The following ESRRG variants were observed in gnomAD, a reference collection of about 807,000 sequenced individuals.
The protein encoded by ESRRG is estrogen-related receptor gamma.
A neutral mutation model predicts 44.0 loss-of-function variants in ESRRG; 13 were observed. That is an observed-to-expected ratio of 0.30 (90% confidence interval 0.19 to 0.47). The LOEUF (loss-of-function observed/expected upper bound fraction) is 0.47, where lower values mean the gene tolerates loss of function less well. Ranked by LOEUF, ESRRG falls within the 20% of genes least tolerant of loss-of-function variation. The pLI, the probability that ESRRG is intolerant of heterozygous loss-of-function variation, is 1.00. For synonymous variants in ESRRG, 215 were observed against 214.6 expected, an observed-to-expected ratio of 1.00 and a Z score of -0.02; for missense variants, 395 against 580.6, an observed-to-expected ratio of 0.68 and a Z score of 3.29.
chr1:217,042,492 AC>A (rs2084058723), intron 1 of ESRRG, among the ~76,000 whole-genome samples: 2 of 150,746 alleles, frequency 1.3e-5, no homozygotes, highest in Non-Finnish European at 3.0e-5. Context: ...ACACACACAC[AC>A]ACACACACAC....
intron 5 of ESRRG, among the ~76,000 whole-genome samples, chr1:216,542,978 G>T (rs12145418): frequency 0.29 from 43,601 of 151,900 alleles, 7,376 homozygotes; most frequent in Admixed American, 0.4. Flanking sequence ...TTTGAACTGA[G>T]GGATTTAGTG....
At chr1:217,079,432 T>G (rs796992195) in intron 1 of ESRRG, among the ~76,000 whole-genome samples, 7 of 152,354 alleles carry the variant, frequency 4.6e-5, no homozygotes, top group African/African-American at 1.7e-4. Flanking sequence ...GCCCAGGAGC[T>G]GCCTGGGCAA....
At chr1:216,521,214 T>C (rs1451278066) in intron 5 of ESRRG, among the ~76,000 whole-genome samples, 2 of 152,130 alleles carry the variant, frequency 1.3e-5, no homozygotes, top group African/African-American at 4.8e-5. Context: ...CTCTTAGAGA[T>C]ATAATAGCTG....
At chr1:216,667,705 AAAAAGAT>A (rs1463347847) in intron 2 of ESRRG, among the ~76,000 whole-genome samples, 1 of 150,688 alleles carries the variant, frequency 6.6e-6, no homozygotes, top group Non-Finnish European at 1.5e-5. Flanking sequence ...AAAAAAAAAA[AAAAAGAT>A]AGAACGAAGT....
At chr1:216,817,306 T>C (rs915624840) in intron 2 of ESRRG, among the ~76,000 whole-genome samples, 1 of 152,240 alleles carries the variant, frequency 6.6e-6, no homozygotes, top group Non-Finnish European at 1.5e-5. Context: ...ATGTATCATC[T>C]GAGTATGAAA....
chr1:217,128,038 G>C (rs2092914590), intron 1 of ESRRG, among the ~76,000 whole-genome samples: 1 of 152,150 alleles, frequency 6.6e-6, no homozygotes, highest in African/African-American at 2.4e-5. Context: ...CCACGCAAGA[G>C]CACTGTGCAC....
rs140845189 is a variant in ESRRG, at chr1:216,962,852, G to A, written c.-105-23179C>T. ...GGTGTAGAAAATAGCAACTGAGAAC[G>A]TATATACAATTAATATGACAAGACG... On this transcript the variant is annotated intron_variant, in intron 1 of 7. Transcript: ENST00000359162. Among the ~76,000 whole-genome samples the A allele has an allele frequency of 1.7e-3, 266 of 152,196 alleles. 4 individuals are homozygous for A. The East Asian group carries it at 0.044, about 25-fold the overall frequency.
At chr1:216,544,203 T>C (rs902818663) in intron 5 of ESRRG, among the ~76,000 whole-genome samples, 1 of 151,958 alleles carries the variant, frequency 6.6e-6, no homozygotes, top group Non-Finnish European at 1.5e-5. Flanking sequence ...TTATTATTTT[T>C]TCATCAAGAG....
intron 1 of ESRRG, among the ~76,000 whole-genome samples, chr1:216,710,042 G>A (rs74459414): frequency 6.6e-6 from 1 of 152,052 alleles, no homozygotes; most frequent in Non-Finnish European, 1.5e-5. Context: ...ATGCTCCCTC[G>A]CATGCCTTCT....
chr1:217,115,753 A>G (rs2092717168), intron 1 of ESRRG, among the ~76,000 whole-genome samples: 1 of 151,866 alleles, frequency 6.6e-6, no homozygotes, highest in Non-Finnish European at 1.5e-5. Flanking sequence ...TCTTTTCTTC[A>G]TAGCAGGTTT....
intron 1 of ESRRG, among the ~76,000 whole-genome samples, chr1:217,104,397 C>A (rs1342418045): frequency 3.3e-5 from 5 of 152,186 alleles, no homozygotes. Flanking sequence ...AGTGGAAAAA[C>A]CCATGAAGCC....
At chr1:216,636,205 G>A (rs2065264366) in intron 3 of ESRRG, among the ~76,000 whole-genome samples, 1 of 152,092 alleles carries the variant, frequency 6.6e-6, no homozygotes, top group Non-Finnish European at 1.5e-5. Context: ...GGAATAATGT[G>A]TTTACAATAC....
At chr1:216,784,647 T>C (rs2094058400) in intron 2 of ESRRG, among the ~76,000 whole-genome samples, 1 of 152,052 alleles carries the variant, frequency 6.6e-6, no homozygotes, top group Non-Finnish European at 1.5e-5. Context: ...ATAAAACAGA[T>C]GATTGTATCA....
chr1:217,108,028 T>A (rs1474696560), intron 1 of ESRRG, among the ~76,000 whole-genome samples: 1 of 151,806 alleles, frequency 6.6e-6, no homozygotes, highest in African/African-American at 2.4e-5. Flanking sequence ...AAACAGTGCC[T>A]CCCCATAACC....
chr1:217,078,889 G>A (rs936444263), intron 1 of ESRRG, among the ~76,000 whole-genome samples: 4 of 152,112 alleles, frequency 2.6e-5, no homozygotes, highest in African/African-American at 9.7e-5. Flanking sequence ...ACATTACTGT[G>A]TTGTCAGGGG....
Position 217,095,834 on chromosome 1 carries a change from T to C in ESRRG, c.-230+41833A>G, listed in dbSNP as rs143917465. Among the ~76,000 whole-genome samples, 400 of 152,278 alleles carry C rather than the reference T, an allele frequency of 2.6e-3. 1 individual carries two copies. The highest frequency in any genetic ancestry group is 9.1e-3 in the African/African-American group (380 of 41,564). ...AGTTTGAAGCTACAGTGCACCTTGA[T>C]CACACCTGTAAATAGCCAGTGCATG... On this transcript the variant is annotated intron_variant, in intron 1 of 8. Transcript: ENST00000366940.
chr1:217,095,488 T>C (rs1194836808), intron 1 of ESRRG, among the ~76,000 whole-genome samples: 1 of 152,154 alleles, frequency 6.6e-6, no homozygotes, highest in East Asian at 1.9e-4. Context: ...CTGCACTTGT[T>C]GAGGTGGCAA....
chr1:216,863,113 GT>G (rs1320179063), intron 2 of ESRRG: 1 of 152,190 alleles, frequency 6.6e-6, no homozygotes, highest in Non-Finnish European at 1.5e-5. Flanking sequence ...TGGAGGGAGT[GT>G]AAAAGCATAG....
chr1:216,749,147 A>ATTTTTT (rs34684564), intron 2 of ESRRG, among the ~76,000 whole-genome samples: 1 of 148,936 alleles, frequency 6.7e-6, no homozygotes, highest in Non-Finnish European at 1.5e-5. Context: ...GTGTCTAAAT[A>ATTTTTT]TTTTTTTTTT....
Sources: allele counts gnomAD v4.1 joint callset (sites outside exome capture counted in the v4.1 genomes callset), GRCh38; gene constraint gnomAD v4.1.1; transcripts MANE v1.5; gene names NCBI Gene and HGNC (gene_info 2026-07-23, HGNC 2026-07-21).